Variants in ZNF107 observed in about 807,000 individuals in gnomAD.
ZNF107 encodes C2H2 type zinc-finger protein.
In ZNF107, 19 loss-of-function variants were observed where a neutral mutation model predicts 12.3. That is an observed-to-expected ratio of 1.55 (90% CI 1.08 to 2.27). The LOEUF (loss-of-function observed/expected upper bound fraction) is 2.27, where lower values mean the gene tolerates loss of function less well. ZNF107 is among the 30% of genes most tolerant of loss of function. The pLI is 0.00. For synonymous variants in ZNF107, 317 were observed against 330.5 expected (o/e 0.96, Z 0.44); for missense variants, 958 against 979.9 (o/e 0.98, Z 0.30).
chr7:64,673,935 T>TTTG (rs139064149), intron 1 of ZNF107, among the ~76,000 whole-genome samples: 7,283 of 152,044 alleles, frequency 0.048, 445 homozygotes, highest in African/African-American at 0.14. Flanking sequence ...TGGTCTGTTT[T>TTTG]TTGTTGTTGT....
chr7:64,667,443 T>C (rs1789045924), intron 1 of ZNF107, among the ~76,000 whole-genome samples: 3 of 142,118 alleles, frequency 2.1e-5, no homozygotes, highest in African/African-American at 7.4e-5. Flanking sequence ...AGTCTGTGCC[T>C]ATTTTCCTTT....
chr7:64,695,255 T>C (rs145993229), intron 3 of ZNF107, among the ~76,000 whole-genome samples: 217 of 152,262 alleles, frequency 1.4e-3, no homozygotes, highest in African/African-American at 4.8e-3. Context: ...TAAATACTCA[T>C]TTATTAAAAT....
chr7:64,701,804 A>G (rs1196712883), intron 3 of ZNF107, among the ~76,000 whole-genome samples: 2 of 152,004 alleles, frequency 1.3e-5, no homozygotes, highest in Non-Finnish European at 2.9e-5. Context: ...TATTTTTTGT[A>G]GAGACAGGGT....
At chr7:64,672,109 C>T (rs1371565011) in intron 1 of ZNF107, among the ~76,000 whole-genome samples, 7 of 152,006 alleles carry the variant, frequency 4.6e-5, no homozygotes, top group Admixed American at 3.9e-4. Flanking sequence ...GTTCTTTCAC[C>T]TTCCACCCTC....
chr7:64,706,849 A>G lies in ZNF107; in HGVS notation c.752A>G (p.His251Arg), dbSNP rs745963477. The G allele has an allele frequency of 6.2e-7, 1 of 1,613,638 alleles. No homozygotes were observed. The highest frequency in any genetic ancestry group is 1.3e-5 in the African/African-American group (1 of 75,036). ...CAACTTACTAGGCATAAGATAATTC[A>G]TACTGAAGAGAAACCCAACAAATGT... ...SSQLTRHKII[H>R]TEEKPNKCEE... Residue 251 changes from histidine (H) to arginine (R), a missense_variant, in exon 4 of 4, where the codon CAT becomes CGT. His to Arg is a conservative substitution (Grantham distance 29, BLOSUM62 0). Coordinates refer to ENST00000620827, the MANE Select transcript of ZNF107 (RefSeq NM_001282359.2).
At chr7:64,687,384 TCTC>T (rs1277241378) in intron 1 of ZNF107, 2 of 985,278 alleles carry the variant, frequency 2.0e-6, no homozygotes, top group African/African-American at 3.5e-5. Context: ...GCCTGCAGGC[TCTC>T]CTCCTGCAAC....
chr7:64,691,233 G>C lies in ZNF107; in HGVS notation c.4-15G>C. On this transcript the variant is annotated splice_polypyrimidine_tract_variant and intron_variant, in intron 1 of 3. Transcript: ENST00000620827. ...ATGGCTGCTTGGTAAATGTGTGTGTGTTTGTGTTTTTCAGGAACCACTGAC... is the reference window on the plus strand; with the variant it reads ...ATGGCTGCTTGGTAAATGTGTGTGTCTTTGTGTTTTTCAGGAACCACTGAC... 6.8e-7 allele frequency: 1 copy of C among 1,465,970 alleles called. No homozygotes were observed. Among genetic ancestry groups the C allele is most frequent in the Non-Finnish European group, 9.0e-7 (1 of 1,106,614 alleles). 90.8% of individuals were successfully genotyped at this position (1,465,970 alleles called of 1,614,324 possible). A position where few individuals can be genotyped will look rare whatever the true frequency, so the allele number is the denominator to read the frequency against.
intron 1 of ZNF107, among the ~76,000 whole-genome samples, chr7:64,666,496 A>G (rs564046186): frequency 9.6e-4 from 146 of 152,206 alleles, no homozygotes; most frequent in African/African-American, 3.4e-3. Flanking sequence ...CTGGGCTGAC[A>G]GCCGGGACCC....
chr7:64,705,632 G>T (rs896108843), intron 3 of ZNF107, among the ~76,000 whole-genome samples: 3 of 150,784 alleles, frequency 2.0e-5, no homozygotes, highest in Non-Finnish European at 4.4e-5. Flanking sequence ...CATTTGTCTT[G>T]AGTAGTGATT....
Position 64,708,173 on chromosome 7 carries a change from A to G in ZNF107, c.2076A>G (p.Leu692=), listed in dbSNP as rs756902089. The change falls in exon 4 of 4, where the codon CTA becomes CTG. Residue 692 remains leucine, a synonymous_variant. Coordinates refer to ENST00000620827, the MANE Select transcript of ZNF107 (RefSeq NM_001282359.2). ...AAGCTTATAACCGATTCTCAAACCTAACTATACATAAGAGAATTCATACGG... is the reference window on the plus strand; with the variant it reads ...AAGCTTATAACCGATTCTCAAACCTGACTATACATAAGAGAATTCATACGG... ...CGKAYNRFSN[L]TIHKRIHTGE... 4.3e-6 allele frequency: 7 copies of G among 1,611,404 alleles called. No homozygotes were observed. The Admixed American group carries it at 8.4e-5, about 19-fold the overall frequency.
At chr7:64,703,257 T>C (rs1790534553) in intron 3 of ZNF107, among the ~76,000 whole-genome samples, 1 of 152,250 alleles carries the variant, frequency 6.6e-6, no homozygotes, top group African/African-American at 2.4e-5. Context: ...ATTAACCATA[T>C]TCATTGTCTA....
chr7:64,668,884 G>A (rs1789111265), intron 1 of ZNF107, among the ~76,000 whole-genome samples: 1 of 151,662 alleles, frequency 6.6e-6, no homozygotes, highest in Non-Finnish European at 1.5e-5. Context: ...GTAGATAATT[G>A]ATGAGTTACA....
chr7:64,703,912 T>A (rs1422465787), intron 3 of ZNF107, among the ~76,000 whole-genome samples: 3 of 152,230 alleles, frequency 2.0e-5, no homozygotes, highest in East Asian at 3.9e-4. Flanking sequence ...TATATGCTTT[T>A]CTTTCTTATT....
At chr7:64,697,356 TG>T (rs1790327150) in intron 3 of ZNF107, among the ~76,000 whole-genome samples, 1 of 152,206 alleles carries the variant, frequency 6.6e-6, no homozygotes, top group African/African-American at 2.4e-5. Flanking sequence ...CTGGGTCAAA[TG>T]GTATTTCTAG....
chr7:64,708,637 G>A lies in ZNF107; in HGVS notation c.2540G>A (p.Cys847Tyr), dbSNP rs1378610326. 1 of 1,582,720 alleles carries A rather than the reference G, an allele frequency of 6.3e-7. No homozygotes were observed. The highest frequency in any genetic ancestry group is 1.7e-5 in the Admixed American group (1 of 57,820). ...CATACTGGAGAGAAACCCTACAAAT[G>A]TGAGTATGGCAAAACTTAATTGATC... ...KIHTGEKPYK[C>Y]EYGKT The change falls in exon 4 of 4, where the codon TGT becomes TAT. Residue 847 changes from cysteine (C) to tyrosine (Y), a missense_variant. Cys to Tyr is a radical substitution (Grantham distance 194, BLOSUM62 -2). Coordinates refer to ENST00000620827, the MANE Select transcript of ZNF107 (RefSeq NM_001282359.2).
intron 3 of ZNF107, among the ~76,000 whole-genome samples, chr7:64,697,507 G>A (rs1404484798): frequency 2.6e-5 from 4 of 152,114 alleles, no homozygotes; most frequent in African/African-American, 7.2e-5. Context: ...ATTTTTTGAT[G>A]TGTTTATAAG....
chr7:64,681,914 C>G (rs530839146), intron 1 of ZNF107, among the ~76,000 whole-genome samples: 2 of 152,188 alleles, frequency 1.3e-5, no homozygotes, highest in East Asian at 3.9e-4. Context: ...TAAAAGATGC[C>G]TTCTACACCA....
At position 64,709,970 on chromosome 7, in the gene ZNF107, T is replaced by G. The variant is rs913679224; in HGVS notation, c.*1314T>G. ...CAAAACCCCATCTCTATTAAAAATTTTACAAAAATTAGCTGCGTGTGGTGG... is the reference window on the plus strand; with the variant it reads ...CAAAACCCCATCTCTATTAAAAATTGTACAAAAATTAGCTGCGTGTGGTGG... On this transcript the variant is annotated 3_prime_UTR_variant, in exon 4 of 4. Transcript: ENST00000620827. 5 of 258,890 alleles carry G rather than the reference T, an allele frequency of 1.9e-5. No homozygotes were observed. The highest frequency in any genetic ancestry group is 1.2e-4 in the African/African-American group (5 of 42,392). 16.0% of individuals were successfully genotyped at this position (258,890 alleles called of 1,614,324 possible). A position where few individuals can be genotyped will look rare whatever the true frequency, so the allele number is the denominator to read the frequency against.
intron 1 of ZNF107, among the ~76,000 whole-genome samples, chr7:64,685,068 A>C (rs1030329277): frequency 6.6e-6 from 1 of 152,144 alleles, no homozygotes; most frequent in African/African-American, 2.4e-5. Flanking sequence ...ATATGCAGTC[A>C]TTGGCCAACT....
Sources: allele counts gnomAD v4.1 joint callset (sites outside exome capture counted in the v4.1 genomes callset), GRCh38; gene constraint gnomAD v4.1.1; transcripts MANE v1.5; gene names NCBI Gene and HGNC (gene_info 2026-07-23, HGNC 2026-07-21).